FRMD4A: variants seen among roughly 807,000 people sequenced by gnomAD.
FRMD4A encodes the protein FERM domain containing 4A, also known as FERM domain-containing protein 4A.
Under a neutral mutation model 129.1 loss-of-function variants are expected in FRMD4A, and 29 were observed. The observed-to-expected ratio is 0.22, with a 90% CI of 0.17 to 0.31. The LOEUF (loss-of-function observed/expected upper bound fraction) is 0.31. FRMD4A is among the 10% of genes least tolerant of loss of function. FRMD4A has a pLI of 1.00. For synonymous variants in FRMD4A, 634 were observed against 571.6 expected (o/e 1.11, Z -1.56); for missense variants, 1,272 against 1,375.8 (o/e 0.92, Z 1.19).
At chr10:13,716,681 A>T (rs1271465892) in intron 12 of FRMD4A, among the ~76,000 whole-genome samples, 2 of 152,164 alleles carry the variant, frequency 1.3e-5, no homozygotes, top group African/African-American at 4.8e-5. Flanking sequence ...TTTTTAACCC[A>T]TCAAAAACCT....
At position 14,036,397 on chromosome 10, in the gene FRMD4A, G is replaced by C. The variant is rs572033677; in HGVS notation, c.46-177485C>G. Among the ~76,000 whole-genome samples the C allele has an allele frequency of 4.5e-4, 68 of 152,300 alleles. 1 individual carries two copies. In the South Asian group the frequency reaches 0.014, roughly 31 times the overall value. On this transcript the variant is annotated intron_variant, in intron 2 of 24. Coordinates refer to ENST00000357447, the MANE Select transcript of FRMD4A (RefSeq NM_018027.5). ...AACTCACAGCAGAGAACATCAGCAA[G>C]ACGGAAAGGGAAAGCTGGAAAGATA...
intron 5 of FRMD4A, among the ~76,000 whole-genome samples, chr10:13,787,371 G>A (rs988126050): frequency 5.3e-5 from 8 of 152,356 alleles, no homozygotes; most frequent in African/African-American, 1.4e-4. Context: ...CACGCCCAGA[G>A]AGGCATGGTG....
At chr10:14,128,263 C>T (rs1206079909) in intron 2 of FRMD4A, among the ~76,000 whole-genome samples, 5 of 151,572 alleles carry the variant, frequency 3.3e-5, no homozygotes, top group Non-Finnish European at 7.4e-5. Context: ...GCTACCAAAC[C>T]TGGCTAATTT....
chr10:14,025,684 C>A (rs796752023), intron 2 of FRMD4A, among the ~76,000 whole-genome samples: 5 of 152,308 alleles, frequency 3.3e-5, no homozygotes, highest in African/African-American at 1.2e-4. Flanking sequence ...ACAATAACTC[C>A]ATTTCTCCCC....
intron 6 of FRMD4A, among the ~76,000 whole-genome samples, chr10:13,780,571 C>G (rs1104866): frequency 6.6e-6 from 1 of 152,002 alleles, no homozygotes; most frequent in Non-Finnish European, 1.5e-5. Flanking sequence ...CAACAGCATG[C>G]GGACATATGC....
At chr10:13,689,552 T>C (rs1240445209) in intron 15 of FRMD4A, among the ~76,000 whole-genome samples, 1 of 144,378 alleles carries the variant, frequency 6.9e-6, no homozygotes, top group East Asian at 2.0e-4. Context: ...GAAGATTCTT[T>C]TTTTTTTTTT....
At chr10:14,174,275 C>G (rs1405644637) in intron 2 of FRMD4A, among the ~76,000 whole-genome samples, 1 of 152,120 alleles carries the variant, frequency 6.6e-6, no homozygotes, top group Non-Finnish European at 1.5e-5. Context: ...CTCTTTCTCC[C>G]TCTCCCGCGC....
At position 13,787,901 on chromosome 10, in the gene FRMD4A, T is replaced by C. The variant is rs999679820; in HGVS notation, c.300-4895A>G. Reference sequence around the variant, plus strand: ...AGAAAAAAAAAAAAAGTGGCTTCTTTTTCTGATTTTCAGGAGAGCCTCAGC... The same window carrying C: ...AGAAAAAAAAAAAAAGTGGCTTCTTCTTCTGATTTTCAGGAGAGCCTCAGC... On this transcript the variant is annotated intron_variant, in intron 5 of 24. Transcript: ENST00000357447. Among the ~76,000 whole-genome samples, 50 of 152,130 alleles carry C rather than the reference T, an allele frequency of 3.3e-4. 1 individual carries two copies. The highest frequency in any genetic ancestry group is 3.3e-3 in the Admixed American group (50 of 15,270).
intron 2 of FRMD4A, among the ~76,000 whole-genome samples, chr10:14,227,197 GTCTTCTT>G (rs1843469070): frequency 7.0e-6 from 1 of 142,862 alleles, no homozygotes; most frequent in Non-Finnish European, 1.5e-5. Context: ...CTCTTTAGTC[GTCTTCTT>G]TCTTCTTTCC....
chr10:13,892,408 G>A (rs183639542), intron 2 of FRMD4A, among the ~76,000 whole-genome samples: 3 of 152,308 alleles, frequency 2.0e-5, no homozygotes, highest in Admixed American at 2.0e-4. Flanking sequence ...GACAATGACT[G>A]GGAGAGGGAG....
At chr10:14,102,700 C>A (rs969249135) in intron 2 of FRMD4A, among the ~76,000 whole-genome samples, 2 of 151,522 alleles carry the variant, frequency 1.3e-5, no homozygotes, top group Non-Finnish European at 2.9e-5. Flanking sequence ...AATATCTGAA[C>A]TTCAAAAGCT....
chr10:13,829,490 A>C (rs2093757049), intron 3 of FRMD4A, among the ~76,000 whole-genome samples: 1 of 152,138 alleles, frequency 6.6e-6, no homozygotes, highest in Non-Finnish European at 1.5e-5. Context: ...GTCCCATCTC[A>C]AAAAAAGGCA....
At chr10:13,822,452 G>A (rs1356089257) in intron 3 of FRMD4A, among the ~76,000 whole-genome samples, 2 of 152,146 alleles carry the variant, frequency 1.3e-5, no homozygotes, top group Non-Finnish European at 2.9e-5. Context: ...ACATTTGATC[G>A]ACATTTGTGG....
At chr10:13,774,658 C>T (rs928526496) in intron 6 of FRMD4A, among the ~76,000 whole-genome samples, 8 of 152,254 alleles carry the variant, frequency 5.3e-5, no homozygotes, top group South Asian at 2.1e-4. Flanking sequence ...CAGCTTGCGA[C>T]GGGATCACGT....
chr10:13,689,805 C>T, intron 15 of FRMD4A, among the ~76,000 whole-genome samples: 1 of 152,080 alleles, frequency 6.6e-6, no homozygotes, highest in East Asian at 1.9e-4. Context: ...TCAAGTGATC[C>T]TCCCCACCGC....
At chr10:13,757,124 G>A (rs948958846) in intron 8 of FRMD4A, among the ~76,000 whole-genome samples, 1 of 152,212 alleles carries the variant, frequency 6.6e-6, no homozygotes, top group Non-Finnish European at 1.5e-5. Context: ...ATTATCGAAA[G>A]ACAATTTTTT....
chr10:13,764,010 C>T (rs144720837), intron 6 of FRMD4A, among the ~76,000 whole-genome samples: 1 of 152,212 alleles, frequency 6.6e-6, no homozygotes, highest in East Asian at 1.9e-4. Context: ...GGGATGATTA[C>T]AGGCATGAGC....
At chr10:13,729,678 G>A (rs2090189189) in intron 12 of FRMD4A, among the ~76,000 whole-genome samples, 1 of 152,154 alleles carries the variant, frequency 6.6e-6, no homozygotes, top group Non-Finnish European at 1.5e-5. Context: ...GGACAGGGGG[G>A]CAGGCCGTTT....
chr10:13,950,098 C>G (rs2095361307), intron 2 of FRMD4A, among the ~76,000 whole-genome samples: 1 of 152,214 alleles, frequency 6.6e-6, no homozygotes, highest in Non-Finnish European at 1.5e-5. Context: ...CTGACCTTAG[C>G]CCATGTTAGG....
Sources: allele counts gnomAD v4.1 joint callset (sites outside exome capture counted in the v4.1 genomes callset), GRCh38; gene constraint gnomAD v4.1.1; transcripts MANE v1.5; gene names NCBI Gene and HGNC (gene_info 2026-07-23, HGNC 2026-07-21).